Variants in DYSF observed in about 807,000 individuals in gnomAD.
The protein encoded by DYSF is dysferlin.
Under a neutral mutation model 274.9 loss-of-function variants are expected in DYSF, and 212 were observed. That is an observed-to-expected ratio of 0.77 (90% CI 0.69 to 0.86). DYSF has a LOEUF of 0.86. Among genes scored for constraint, DYSF ranks in the 40% least tolerant of loss-of-function variants. The probability of loss-of-function intolerance (pLI) is 0.00; values close to 1 mark genes in which losing one functional copy is unlikely to be tolerated. For synonymous variants in DYSF, 1,091 were observed against 1,078.7 expected, an observed-to-expected ratio of 1.01 and a Z score of -0.22; for missense variants, 2,666 against 2,783.2, an observed-to-expected ratio of 0.96 and a Z score of 0.95.
intron 13 of DYSF, among the ~76,000 whole-genome samples, chr2:71,527,813 T>A (rs2088128358): frequency 6.6e-6 from 1 of 152,052 alleles, no homozygotes; most frequent in Admixed American, 6.5e-5. Context: ...TCTGGCTGAT[T>A]CAAAAAATAA....
At chr2:71,456,949 GA>G (rs2081091607) in intron 1 of DYSF, among the ~76,000 whole-genome samples, 1 of 152,182 alleles carries the variant, frequency 6.6e-6, no homozygotes, top group African/African-American at 2.4e-5. Context: ...AGCTGAGTCA[GA>G]GTAGGGGGAG....
At chr2:71,490,865 T>C (rs1333987653) in intron 3 of DYSF, among the ~76,000 whole-genome samples, 1 of 152,202 alleles carries the variant, frequency 6.6e-6, no homozygotes, top group Non-Finnish European at 1.5e-5. Flanking sequence ...TTGACTGATA[T>C]TTAGTTTCTT....
intron 26 of DYSF, among the ~76,000 whole-genome samples, 195 bp downstream of exon 26, chr2:71,568,533 C>T (rs1322388896): frequency 6.6e-6 from 1 of 152,020 alleles, no homozygotes; most frequent in African/African-American, 2.4e-5. Flanking sequence ...CTTGGATGGT[C>T]AGACAGTCCT....
intron 17 of DYSF, among the ~76,000 whole-genome samples, chr2:71,546,795 C>T (rs1392056469): frequency 2.0e-5 from 3 of 152,240 alleles, no homozygotes; most frequent in Admixed American, 6.5e-5. Context: ...TCTTGCCTGG[C>T]GCAAGCGAGA....
chr2:71,667,407 C>T lies in DYSF; in HGVS notation c.5349C>T (p.Gly1783=). 6.2e-7 allele frequency: 1 copy of T among 1,614,142 alleles called. No individual in the cohort carries two copies. Among genetic ancestry groups the T allele is most frequent in the South Asian group, 1.1e-5 (1 of 91,086 alleles). ...EAGRIPNPHL[G]PVEERLALHV... ...GCAGGATCCCAAACCCACACCTGGGCCCAGTGGAGGAGCGTCTGGCTCTGC... is the reference window on the plus strand; with the variant it reads ...GCAGGATCCCAAACCCACACCTGGGTCCAGTGGAGGAGCGTCTGGCTCTGC... Residue 1783 remains glycine (G), a synonymous_variant, in exon 48 of 56, where the codon GGC becomes GGT. Coordinates refer to ENST00000410020, the MANE Select transcript of DYSF (RefSeq NM_001130987.2).
At chr2:71,474,219 C>T (rs1032657551) in intron 1 of DYSF, among the ~76,000 whole-genome samples, 1 of 152,224 alleles carries the variant, frequency 6.6e-6, no homozygotes, top group Non-Finnish European at 1.5e-5. Context: ...AGCAACCATG[C>T]CCAGCCGATT....
intron 3 of DYSF, among the ~76,000 whole-genome samples, chr2:71,489,447 G>A (rs1410480342): frequency 6.6e-6 from 1 of 152,252 alleles, no homozygotes; most frequent in Non-Finnish European, 1.5e-5. Flanking sequence ...AGTAGATTAT[G>A]AGGAGATATT....
At chr2:71,472,628 G>C (rs371781448) in intron 1 of DYSF, among the ~76,000 whole-genome samples, 2 of 152,118 alleles carry the variant, frequency 1.3e-5, no homozygotes, top group Admixed American at 6.5e-5. Context: ...GGATGGTCTG[G>C]ATCTCCTGAC....
At chr2:71,568,374 G>A in intron 26 of DYSF, 36 bp downstream of exon 26, 1 of 1,610,760 alleles carries the variant, frequency 6.2e-7, no homozygotes, top group Non-Finnish European at 8.5e-7. Flanking sequence ...GGAGAGCCAG[G>A]CCAGGCTGCC....
chr2:71,658,026 C>G (rs2094805375), intron 43 of DYSF, among the ~76,000 whole-genome samples: 1 of 152,222 alleles, frequency 6.6e-6, no homozygotes, highest in South Asian at 2.1e-4. Flanking sequence ...TGCACATTTT[C>G]TGAACTTTTA....
At chr2:71,642,999 C>T (rs2094510140) in intron 41 of DYSF, among the ~76,000 whole-genome samples, 2 of 152,218 alleles carry the variant, frequency 1.3e-5, no homozygotes, top group Admixed American at 6.5e-5. Flanking sequence ...GTCCTTGGCC[C>T]TTCCCACTAA....
At chr2:71,580,248 C>T (rs539682135) in intron 30 of DYSF, among the ~76,000 whole-genome samples, 1 of 152,364 alleles carries the variant, frequency 6.6e-6, no homozygotes, top group East Asian at 1.9e-4. Flanking sequence ...AGCTGGCCCC[C>T]CGGCCCCAAC....
At chr2:71,462,652 C>G (rs1380103727), upstream of DYSF, among the ~76,000 whole-genome samples, 1 of 152,200 alleles carries the variant, frequency 6.6e-6, no homozygotes, top group Non-Finnish European at 1.5e-5. Flanking sequence ...AGTGACAGAA[C>G]AGCTCTCAGG....
chr2:71,664,007 A>G (rs1431368365), intron 45 of DYSF, among the ~76,000 whole-genome samples: 1 of 152,074 alleles, frequency 6.6e-6, no homozygotes. Flanking sequence ...TGCATTTCCA[A>G]TTCATTCTTT....
At chr2:71,465,301 G>C (rs549970647), upstream of DYSF, among the ~76,000 whole-genome samples, 3 of 152,256 alleles carry the variant, frequency 2.0e-5, no homozygotes, top group South Asian at 6.2e-4. Flanking sequence ...GTAGGAACAG[G>C]AGAGAACTCA....
chr2:71,480,343 G>A (rs1038056521), intron 1 of DYSF, among the ~76,000 whole-genome samples: 1 of 151,442 alleles, frequency 6.6e-6, no homozygotes, highest in Non-Finnish European at 1.5e-5. Context: ...AGACCCGTCT[G>A]GGCAATATAG....
intron 53 of DYSF, among the ~76,000 whole-genome samples, chr2:71,679,561 C>T (rs3981402): frequency 0.82 from 125,303 of 151,970 alleles, 52,261 homozygotes; most frequent in Non-Finnish European, 0.89. Flanking sequence ...GGTGAATGGG[C>T]GGGGGTCATG....
intron 51 of DYSF, among the ~76,000 whole-genome samples, chr2:71,671,257 G>C (rs765338620): frequency 2.6e-5 from 4 of 152,230 alleles, no homozygotes; most frequent in Non-Finnish European, 5.9e-5. Context: ...TGAGCAACAG[G>C]GTTCTGGGAG....
intron 1 of DYSF, among the ~76,000 whole-genome samples, chr2:71,455,358 C>T (rs1410367350): frequency 6.6e-6 from 1 of 152,202 alleles, no homozygotes; most frequent in African/African-American, 2.4e-5. Context: ...GTCCTGAGGC[C>T]TGGAAAGCAG....
Sources: allele counts gnomAD v4.1 joint callset (sites outside exome capture counted in the v4.1 genomes callset), GRCh38; gene constraint gnomAD v4.1.1; transcripts MANE v1.5; gene names NCBI Gene and HGNC (gene_info 2026-07-23, HGNC 2026-07-21).